Variants in GRIK3 observed in about 807,000 individuals in gnomAD.
GRIK3 encodes the protein glutamate receptor ionotropic, kainate 3.
A neutral mutation model predicts 102.5 loss-of-function variants in GRIK3; 29 were observed. That is an observed-to-expected ratio of 0.28 (90% confidence interval 0.21 to 0.39). The LOEUF is 0.39. Among genes scored for constraint, GRIK3 ranks in the 10% least tolerant of loss-of-function variants. The pLI, the probability that GRIK3 is intolerant of heterozygous loss-of-function variation, is 1.00. For missense variants in GRIK3, 908 were observed against 1,252.4 expected (o/e 0.73, Z 4.15); for synonymous variants, 511 against 504.9 (o/e 1.01, Z -0.16).
intron 10 of GRIK3, among the ~76,000 whole-genome samples, chr1:36,841,298 G>A (rs921383691): frequency 6.6e-6 from 1 of 152,194 alleles, no homozygotes; most frequent in African/African-American, 2.4e-5. Context: ...ACTAGACCCA[G>A]AGTTACTCAA....
intron 1 of GRIK3, among the ~76,000 whole-genome samples, chr1:36,972,644 C>T (rs1174135231): frequency 1.3e-5 from 2 of 151,986 alleles, no homozygotes; most frequent in Non-Finnish European, 2.9e-5. Context: ...AAAGAAAATC[C>T]CCATGTCTTG....
intron 10 of GRIK3, among the ~76,000 whole-genome samples, chr1:36,826,093 T>C (rs772084855): frequency 1.3e-5 from 2 of 152,212 alleles, no homozygotes; most frequent in Non-Finnish European, 1.5e-5. Context: ...ATGCAGAGAA[T>C]GGAACTCTAT....
At chr1:36,962,220 C>T (rs1393286256) in intron 1 of GRIK3, among the ~76,000 whole-genome samples, 1 of 152,186 alleles carries the variant, frequency 6.6e-6, no homozygotes, top group African/African-American at 2.4e-5. Context: ...TTCTCCTCTT[C>T]TACTAGATGC....
At chr1:36,976,173 G>A (rs1015317857) in intron 1 of GRIK3, among the ~76,000 whole-genome samples, 1 of 152,094 alleles carries the variant, frequency 6.6e-6, no homozygotes, top group South Asian at 2.1e-4. Context: ...CTGGATGTGC[G>A]ATGGGCCCTT....
chr1:36,829,229 C>T (rs1220996280), intron 10 of GRIK3, among the ~76,000 whole-genome samples: 2 of 152,298 alleles, frequency 1.3e-5, no homozygotes, highest in Non-Finnish European at 2.9e-5. Context: ...GATGTCAAGC[C>T]TTTGCTGTTT....
At chr1:36,827,189 G>A (rs879135596) in intron 10 of GRIK3, among the ~76,000 whole-genome samples, 2 of 152,164 alleles carry the variant, frequency 1.3e-5, no homozygotes, top group South Asian at 2.1e-4. Flanking sequence ...TTATTTGCCT[G>A]TGAATTTCTG....
intron 1 of GRIK3, among the ~76,000 whole-genome samples, chr1:36,990,905 A>G (rs980169324): frequency 3.9e-5 from 6 of 152,144 alleles, no homozygotes; most frequent in Non-Finnish European, 8.8e-5. Flanking sequence ...TGGGGCCATG[A>G]GCCTCCTGGA....
chr1:36,893,605 T>C (rs1047330250), intron 1 of GRIK3, among the ~76,000 whole-genome samples: 1 of 152,110 alleles, frequency 6.6e-6, no homozygotes. Flanking sequence ...GAGGGGGAAA[T>C]GTATACCCAG....
intron 10 of GRIK3, among the ~76,000 whole-genome samples, chr1:36,840,565 AAAAAAAAAAAAAT>A (rs1379797522): frequency 7.3e-5 from 11 of 150,412 alleles, no homozygotes; most frequent in African/African-American, 2.7e-4. Context: ...AAAAAAAAAA[AAAAAAAAAAAAAT>A]TAGCCAGGTG....
chr1:36,899,270 A>C (rs532179378), intron 1 of GRIK3, among the ~76,000 whole-genome samples: 9 of 152,238 alleles, frequency 5.9e-5, no homozygotes, highest in Non-Finnish European at 8.8e-5. Flanking sequence ...GATATTTGCA[A>C]ATCATACACC....
chr1:37,023,599 A>C (rs1224227987), intron 1 of GRIK3, among the ~76,000 whole-genome samples: 1 of 152,228 alleles, frequency 6.6e-6, no homozygotes, highest in African/African-American at 2.4e-5. Flanking sequence ...TAAAGCCATC[A>C]GACTCTGACA....
At chr1:36,821,088 C>A (rs962211207) in intron 11 of GRIK3, among the ~76,000 whole-genome samples, 1 of 152,150 alleles carries the variant, frequency 6.6e-6, no homozygotes, top group Non-Finnish European at 1.5e-5. Context: ...AAGTGCAATG[C>A]CCTTTAAGTG....
At chr1:36,887,018 C>T (rs1367804783) in intron 2 of GRIK3, among the ~76,000 whole-genome samples, 2 of 152,158 alleles carry the variant, frequency 1.3e-5, no homozygotes, top group Non-Finnish European at 2.9e-5. Flanking sequence ...TAATTTACTT[C>T]TAACTTTTGA....
chr1:36,985,782 C>T (rs1187848695), intron 1 of GRIK3, among the ~76,000 whole-genome samples: 2 of 152,178 alleles, frequency 1.3e-5, no homozygotes, highest in Non-Finnish European at 2.9e-5. Context: ...CTTCCTGCCA[C>T]TCCCCAGAAC....
intron 10 of GRIK3, among the ~76,000 whole-genome samples, chr1:36,834,366 A>G (rs1640347032): frequency 1.3e-5 from 2 of 152,202 alleles, no homozygotes; most frequent in East Asian, 1.9e-4. Context: ...GTCAGAGAGA[A>G]TATCTGTGGA....
chr1:36,847,277 T>G (rs1256438145), intron 9 of GRIK3, among the ~76,000 whole-genome samples: 2 of 152,128 alleles, frequency 1.3e-5, no homozygotes, highest in Non-Finnish European at 2.9e-5. Flanking sequence ...CTGCAAACCC[T>G]AATGCCTCCA....
At chr1:36,853,487 G>A in intron 8 of GRIK3, 128 bp downstream of exon 8, 1 of 650,908 alleles carries the variant, frequency 1.5e-6, no homozygotes, top group Non-Finnish European at 2.7e-6. Flanking sequence ...ACTGGACCAA[G>A]TCAATCCCTG....
intron 9 of GRIK3, among the ~76,000 whole-genome samples, chr1:36,848,803 C>G (rs527274468): frequency 6.7e-6 from 1 of 150,326 alleles, no homozygotes; most frequent in African/African-American, 2.4e-5. Context: ...TTTTTTTAAC[C>G]CTGTTCCTCT....
At chr1:36,858,975 C>T (rs906438661) in intron 7 of GRIK3, 133 bp downstream of exon 7, 44 of 778,466 alleles carry the variant, frequency 5.7e-5, no homozygotes, top group East Asian at 1.6e-4. Flanking sequence ...AACTGAGGCT[C>T]GGAGACATGA....
Sources: allele counts gnomAD v4.1 joint callset (sites outside exome capture counted in the v4.1 genomes callset), GRCh38; gene constraint gnomAD v4.1.1; transcripts MANE v1.5; gene names NCBI Gene and HGNC (gene_info 2026-07-23, HGNC 2026-07-21).